The following ST18 variants were observed in gnomAD, a reference collection of about 807,000 sequenced individuals.
The protein encoded by ST18 is suppression of tumorigenicity 18 protein.
ST18 carries 50 observed loss-of-function variants against 110.0 expected under a neutral mutation model. The observed-to-expected ratio is 0.45, with a 90% confidence interval of 0.36 to 0.58. The LOEUF (loss-of-function observed/expected upper bound fraction) is 0.58, where lower values mean the gene tolerates loss of function less well. Among genes scored for constraint, ST18 ranks in the 20% least tolerant of loss-of-function variants. ST18 has a pLI of 0.00. For missense variants in ST18, 1,306 were observed against 1,280.1 expected (o/e 1.02, Z -0.31); for synonymous variants, 461 against 452.4 (o/e 1.02, Z -0.24).
At chr8:52,243,910 G>A (rs1166370437) in intron 2 of ST18, among the ~76,000 whole-genome samples, 1 of 152,062 alleles carries the variant, frequency 6.6e-6, no homozygotes, top group Non-Finnish European at 1.5e-5. Context: ...AGAGAGCTGT[G>A]CACGTGCATG....
chr8:52,378,486 T>C (rs1197713625), intron 2 of ST18, among the ~76,000 whole-genome samples: 1 of 152,234 alleles, frequency 6.6e-6, no homozygotes, highest in Non-Finnish European at 1.5e-5. Flanking sequence ...CAAAGTAAGA[T>C]GCATGTGCAC....
In ST18 at chr8:52,177,339, T is replaced by C. The variant is rs536348570; in HGVS notation, c.277+2783A>G. On this transcript the variant is annotated intron_variant, in intron 9 of 25. Transcript: ENST00000689386. ...TGTGCCATAAAGCGGAATAAAACTTTAGCATTCAAGCTCCTGACCTCAGTC... is the reference window on the plus strand; with the variant it reads ...TGTGCCATAAAGCGGAATAAAACTTCAGCATTCAAGCTCCTGACCTCAGTC... 1.8e-3 allele frequency among the ~76,000 whole-genome samples: 279 copies of C among 152,318 alleles called. 1 individual carries two copies. The highest frequency in any genetic ancestry group is 3.0e-3 in the Non-Finnish European group (207 of 68,014).
intron 2 of ST18, among the ~76,000 whole-genome samples, chr8:52,331,435 A>G (rs1809353833): frequency 6.6e-6 from 1 of 152,112 alleles, no homozygotes; most frequent in Non-Finnish European, 1.5e-5. Context: ...TTAAGAGGTC[A>G]TTTCCAGAGC....
intron 9 of ST18, among the ~76,000 whole-genome samples, chr8:52,176,302 G>A (rs1159767551): frequency 6.6e-6 from 1 of 152,140 alleles, no homozygotes; most frequent in Non-Finnish European, 1.5e-5. Flanking sequence ...GGTTACAGGC[G>A]TGAGCCACCG....
chr8:52,262,378 C>A (rs926863165), intron 2 of ST18, among the ~76,000 whole-genome samples: 2 of 152,178 alleles, frequency 1.3e-5, no homozygotes, highest in Non-Finnish European at 2.9e-5. Context: ...GGCAGTGCAG[C>A]AGTATATGTA....
intron 3 of ST18, among the ~76,000 whole-genome samples, chr8:52,222,298 T>C (rs1396436899): frequency 6.6e-6 from 1 of 152,160 alleles, no homozygotes; most frequent in African/African-American, 2.4e-5. Flanking sequence ...TTTTACTACT[T>C]TTAATAGCAT....
At chr8:52,258,709 A>G (rs575480777) in intron 2 of ST18, among the ~76,000 whole-genome samples, 40 of 152,140 alleles carry the variant, frequency 2.6e-4, no homozygotes, top group Non-Finnish European at 5.3e-4. Flanking sequence ...TCCAATCCAG[A>G]TGACTTATAT....
intron 2 of ST18, among the ~76,000 whole-genome samples, chr8:52,231,707 C>T (rs1404417936): frequency 2.0e-5 from 3 of 152,174 alleles, no homozygotes; most frequent in Non-Finnish European, 4.4e-5. Context: ...GATCTCTTGA[C>T]CTCGTGATCC....
intron 22 of ST18, 28 bp downstream of exon 22, chr8:52,131,930 C>T (rs2049792517): frequency 1.2e-6 from 2 of 1,610,646 alleles, no homozygotes; most frequent in Admixed American, 1.7e-5. Context: ...CACAACACTA[C>T]AACAAAAAGA....
intron 15 of ST18, among the ~76,000 whole-genome samples, chr8:52,152,536 C>T (rs1045958939): frequency 1.9e-4 from 29 of 152,146 alleles, no homozygotes; most frequent in African/African-American, 6.5e-4. Context: ...CATCCCAGGC[C>T]ATCGATTTCA....
intron 7 of ST18, among the ~76,000 whole-genome samples, chr8:52,212,317 A>G (rs2082476395): frequency 6.6e-6 from 1 of 152,178 alleles, no homozygotes; most frequent in Admixed American, 6.6e-5. Context: ...ACCTTGGGTG[A>G]ACTGGGGCCT....
At chr8:52,385,279 C>T (rs891177674) in intron 2 of ST18, among the ~76,000 whole-genome samples, 1 of 152,176 alleles carries the variant, frequency 6.6e-6, no homozygotes, top group African/African-American at 2.4e-5. Flanking sequence ...TCCTATACAG[C>T]TCCCTAAGAA....
intron 2 of ST18, among the ~76,000 whole-genome samples, chr8:52,372,058 T>A (rs1830461700): frequency 6.6e-6 from 1 of 152,196 alleles, no homozygotes; most frequent in Non-Finnish European, 1.5e-5. Context: ...GGTATTGTTG[T>A]CATAGAGATG....
intron 25 of ST18, among the ~76,000 whole-genome samples, chr8:52,114,253 A>C (rs1054046144): frequency 1.3e-5 from 2 of 152,076 alleles, no homozygotes; most frequent in African/African-American, 4.8e-5. Context: ...TACAGGTGTG[A>C]GCCACCATGC....
chr8:52,210,127 G>C lies in ST18; in HGVS notation c.86+1952C>G, dbSNP rs563689962. 13 of 456,046 alleles carry C rather than the reference G, an allele frequency of 2.9e-5. No homozygotes were observed. The Admixed American group carries it at 3.1e-4, about 11-fold the overall frequency. The allele number at this position is 456,046 out of a possible 1,614,324, so 28.2% of individuals were successfully genotyped here. ...CACGGGCACACTGATTCTGCAACAA[G>C]AACCAAGAAACCACTCCAGGGACTG... On this transcript the variant is annotated intron_variant, in intron 8 of 25. Coordinates refer to ENST00000689386, the MANE Select transcript of ST18 (RefSeq NM_001352837.2).
intron 2 of ST18, among the ~76,000 whole-genome samples, chr8:52,379,548 G>A (rs561719834): frequency 5.5e-4 from 83 of 151,486 alleles, no homozygotes; most frequent in African/African-American, 2.0e-3. Flanking sequence ...CACAATTTTG[G>A]GGACTTTTGC....
intron 2 of ST18, among the ~76,000 whole-genome samples, chr8:52,364,977 T>G (rs758656616): frequency 4.6e-5 from 7 of 151,858 alleles, no homozygotes; most frequent in Non-Finnish European, 1.5e-5. Flanking sequence ...CAGGCATGGT[T>G]GCGGGGGGTG....
chr8:52,299,041 T>C (rs2095675603), intron 2 of ST18, among the ~76,000 whole-genome samples: 1 of 152,226 alleles, frequency 6.6e-6, no homozygotes, highest in Non-Finnish European at 1.5e-5. Flanking sequence ...ATTTGGGCCT[T>C]GGTATCTTTC....
chr8:52,178,641 AAAC>A lies in ST18; in HGVS notation c.277+1478_277+1480del, dbSNP rs1218099761. Among the ~76,000 whole-genome samples the A allele has an allele frequency of 1.6e-4, 22 of 134,274 alleles. 9 individuals carry two copies. Among genetic ancestry groups the A allele is most frequent in the African/African-American group, 6.4e-4 (20 of 31,126 alleles). 88.1% of individuals were successfully genotyped at this position (134,274 alleles called of 152,430 possible). On this transcript the variant is annotated intron_variant, in intron 9 of 25. Coordinates refer to ENST00000689386, the MANE Select transcript of ST18 (RefSeq NM_001352837.2). ...AAAAAAAAAAAAAAAAAAAAAAAAA[AAAC>A]CACCAAAAACCAAAATAAAACAAAC... is the stretch of plus-strand genomic sequence containing the variant.
Sources: gnomAD v4.1 joint callset for allele counts (sites outside exome capture counted in the v4.1 genomes callset) on GRCh38, gnomAD v4.1.1 for gene constraint, MANE v1.5 for transcripts, NCBI Gene and HGNC (gene_info 2026-07-23, HGNC 2026-07-21) for gene names.